The following THSD7B variants were observed in gnomAD, a reference collection of about 807,000 sequenced individuals.
THSD7B encodes thrombospondin type-1 domain-containing protein 7B.
Under a neutral mutation model 213.6 loss-of-function variants are expected in THSD7B, and 138 were observed. That is an observed-to-expected ratio of 0.65 (90% CI 0.56 to 0.74). THSD7B has a LOEUF of 0.74. Among genes scored for constraint, THSD7B ranks in the 30% least tolerant of loss-of-function variants. The pLI is 0.00. For missense variants in THSD7B, 1,931 were observed against 1,991.5 expected (o/e 0.97, Z 0.58); for synonymous variants, 742 against 687.0 (o/e 1.08, Z -1.25).
At chr2:137,553,046 G>C (rs1293209984) in intron 15 of THSD7B, among the ~76,000 whole-genome samples, 1 of 152,122 alleles carries the variant, frequency 6.6e-6, no homozygotes, top group Admixed American at 6.6e-5. Context: ...ATCTCATAGT[G>C]CTTTATTGAT....
chr2:136,928,994 T>A (rs1265653160), intron 2 of THSD7B, among the ~76,000 whole-genome samples: 1 of 152,154 alleles, frequency 6.6e-6, no homozygotes, highest in African/African-American at 2.4e-5. Flanking sequence ...AATTTGAAGA[T>A]GAGATTTATC....
intron 2 of THSD7B, among the ~76,000 whole-genome samples, chr2:137,019,331 C>A (rs1686398959): frequency 6.6e-6 from 1 of 152,164 alleles, no homozygotes; most frequent in African/African-American, 2.4e-5. Flanking sequence ...ATGCTTGGTA[C>A]TCAGTATTTA....
At position 137,405,656 on chromosome 2, in the gene THSD7B, G is replaced by C. The variant is rs947936809; in HGVS notation, c.2544G>C (p.Met848Ile). The change falls in exon 13 of 28, where the codon ATG becomes ATC. Residue 848 changes from methionine (M) to isoleucine (I), a missense_variant. Coordinates refer to ENST00000409968, the MANE Select transcript of THSD7B (RefSeq NM_001316349.2). ...ISDDNRSAEM[M>I]ECLKQTNGMP... is the part of the protein sequence containing the mutation. ...ATGACAACCGGTCAGCAGAAATGATGGAATGCCTCAAGCAGACAAACGGCA... is the reference window on the plus strand; with the variant it reads ...ATGACAACCGGTCAGCAGAAATGATCGAATGCCTCAAGCAGACAAACGGCA... 6.2e-7 allele frequency: 1 copy of C among 1,611,018 alleles called. No homozygotes were observed. The highest frequency in any genetic ancestry group is 2.2e-5 in the East Asian group (1 of 44,568).
chr2:137,528,866 T>C (rs1315979459), intron 15 of THSD7B, among the ~76,000 whole-genome samples: 9 of 152,190 alleles, frequency 5.9e-5, no homozygotes, highest in African/African-American at 2.2e-4. Context: ...AACACACTGA[T>C]TGGCATGGTA....
At position 137,210,328 on chromosome 2, in the gene THSD7B, C is replaced by A. The variant is rs115467010; in HGVS notation, c.1724-20716C>A. ...TAGACATAAGTAGATCATGCCTAAGCAAGTAGACATACAATATTAAAAATT... is the reference window on the plus strand; with the variant it reads ...TAGACATAAGTAGATCATGCCTAAGAAAGTAGACATACAATATTAAAAATT... On this transcript the variant is annotated intron_variant, in intron 7 of 27. Transcript: ENST00000409968. Among the ~76,000 whole-genome samples the A allele has an allele frequency of 3.1e-3, 477 of 151,950 alleles. 3 individuals are homozygous for A. The highest frequency in any genetic ancestry group is 0.011 in the African/African-American group (453 of 41,462).
intron 2 of THSD7B, among the ~76,000 whole-genome samples, chr2:137,030,390 C>T (rs1460562079): frequency 3.3e-5 from 5 of 152,082 alleles, no homozygotes; most frequent in East Asian, 1.9e-4. Context: ...GAAGTAAGAA[C>T]GGTATGGCCC....
intron 5 of THSD7B, among the ~76,000 whole-genome samples, chr2:137,151,392 G>A (rs1271261459): frequency 1.3e-5 from 2 of 151,866 alleles, no homozygotes; most frequent in Non-Finnish European, 2.9e-5. Context: ...GGCCTACGTA[G>A]GGTAAGGATC....
chr2:137,081,159 C>A (rs891794781), intron 3 of THSD7B, among the ~76,000 whole-genome samples: 9 of 152,006 alleles, frequency 5.9e-5, no homozygotes, highest in African/African-American at 2.2e-4. Context: ...AATCGTTTTA[C>A]TAGTATATGT....
chr2:137,546,742 A>C (rs1456778950), intron 15 of THSD7B, among the ~76,000 whole-genome samples: 1 of 151,108 alleles, frequency 6.6e-6, no homozygotes, highest in African/African-American at 2.4e-5. Flanking sequence ...TTGTGGAAAT[A>C]TGCCCACTTT....
rs1553456492 is a variant in THSD7B at position 136,898,579 on chromosome 2, G to GCCAC, written c.139+16264_139+16265insACCC. On this transcript the variant is annotated intron_variant, in intron 2 of 27. Transcript: ENST00000409968. ...TCTATTTAGCTCCCCTTGTCCCCCCGCCCCCCCGCCAAAAGAGCTCACAGT... is the reference window on the plus strand; with the variant it reads ...TCTATTTAGCTCCCCTTGTCCCCCCGCCACCCCCCCCGCCAAAAGAGCTCACAGT... 2.2e-4 allele frequency among the ~76,000 whole-genome samples: 26 copies of GCCAC among 116,684 alleles called. No individual in the cohort carries two copies. In the East Asian group the frequency reaches 3.7e-3, roughly 17 times the overall value. The allele number at this position is 116,684 out of a possible 152,430, so 76.5% of individuals were successfully genotyped here.
chr2:137,487,284 C>T (rs1371996529), intron 15 of THSD7B, among the ~76,000 whole-genome samples: 4 of 135,390 alleles, frequency 3.0e-5, no homozygotes, highest in Non-Finnish European at 4.6e-5. Context: ...AGGAGAATGG[C>T]GTGAACCCGG....
chr2:137,638,890 G>A (rs953749430), intron 20 of THSD7B, among the ~76,000 whole-genome samples: 1 of 152,166 alleles, frequency 6.6e-6, no homozygotes, highest in African/African-American at 2.4e-5. Flanking sequence ...AAATTTCTAA[G>A]CAGCAAAGCA....
intron 2 of THSD7B, among the ~76,000 whole-genome samples, chr2:137,014,287 C>CA (rs1323118223): frequency 1.3e-5 from 2 of 152,158 alleles, no homozygotes; most frequent in African/African-American, 4.8e-5. Flanking sequence ...TGCAACTACT[C>CA]ACATGGTTGT....
chr2:137,636,085 C>T (rs1682827970), intron 20 of THSD7B, among the ~76,000 whole-genome samples: 1 of 152,168 alleles, frequency 6.6e-6, no homozygotes, highest in Non-Finnish European at 1.5e-5. Flanking sequence ...ATCTGATATT[C>T]TTCATCTGAA....
intron 2 of THSD7B, among the ~76,000 whole-genome samples, chr2:136,916,923 G>A (rs554925790): frequency 2.0e-4 from 30 of 152,174 alleles, no homozygotes; most frequent in African/African-American, 7.2e-4. Context: ...TAGACCTCTG[G>A]ATCCTATTTC....
At chr2:136,906,626 C>G (rs891770109) in intron 2 of THSD7B, 14 of 152,074 alleles carry the variant, frequency 9.2e-5, no homozygotes, top group Non-Finnish European at 5.9e-5. Flanking sequence ...CTGGGAAGTT[C>G]TACTGTAACT....
intron 12 of THSD7B, among the ~76,000 whole-genome samples, chr2:137,278,917 C>G (rs1682934435): frequency 6.6e-6 from 1 of 151,920 alleles, no homozygotes; most frequent in Admixed American, 6.6e-5. Context: ...TTCAGCTTAC[C>G]TATAAAGAAT....
intron 2 of THSD7B, among the ~76,000 whole-genome samples, chr2:136,937,482 C>T (rs1018853145): frequency 6.6e-6 from 1 of 151,968 alleles, no homozygotes; most frequent in Non-Finnish European, 1.5e-5. Context: ...TATGCTGCCC[C>T]GAGTCAAGCC....
At chr2:137,245,658 C>T (rs1228895384) in intron 10 of THSD7B, among the ~76,000 whole-genome samples, 1 of 152,194 alleles carries the variant, frequency 6.6e-6, no homozygotes, top group Non-Finnish European at 1.5e-5. Context: ...ATAAGGACCA[C>T]TTCCACCATC....
Sources: gnomAD v4.1 joint callset for allele counts (sites outside exome capture counted in the v4.1 genomes callset) on GRCh38, gnomAD v4.1.1 for gene constraint, MANE v1.5 for transcripts, NCBI Gene and HGNC (gene_info 2026-07-23, HGNC 2026-07-21) for gene names.